The following CDYL variants were observed in gnomAD, a reference collection of about 807,000 sequenced individuals.
CDYL encodes the protein chromodomain Y like, also known as chromodomain Y-like protein.
A neutral mutation model predicts 47.3 loss-of-function variants in CDYL; 8 were observed. That is an observed-to-expected ratio of 0.17 (90% CI 0.10 to 0.31). The LOEUF (loss-of-function observed/expected upper bound fraction) is 0.31, where lower values mean the gene tolerates loss of function less well. Ranked by LOEUF, CDYL falls within the 10% of genes least tolerant of loss-of-function variation. The pLI is 1.00. For missense variants in CDYL, 471 were observed against 701.4 expected (o/e 0.67, Z 3.71); for synonymous variants, 266 against 265.0 (o/e 1.00, Z -0.04).
chr6:4,716,184 C>T (rs1447815107), intron 2 of CDYL, among the ~76,000 whole-genome samples: 11 of 151,104 alleles, frequency 7.3e-5, no homozygotes, highest in African/African-American at 2.4e-4. Context: ...GGAGGCGGAG[C>T]TTGCAGTGAG....
chr6:4,738,900 G>A (rs907644929), intron 3 of CDYL, among the ~76,000 whole-genome samples: 5 of 152,150 alleles, frequency 3.3e-5, no homozygotes, highest in Admixed American at 6.5e-5. Flanking sequence ...AGCGGCTCAC[G>A]CCTGTAATCC....
intron 3 of CDYL, among the ~76,000 whole-genome samples, chr6:4,745,821 T>G (rs1451794615): frequency 1.3e-5 from 2 of 151,994 alleles, no homozygotes; most frequent in Non-Finnish European, 2.9e-5. Flanking sequence ...GGAGGATAAA[T>G]AGAAGCTTGC....
chr6:4,897,829 G>A (rs1334901480), intron 2 of CDYL, among the ~76,000 whole-genome samples: 2 of 148,682 alleles, frequency 1.3e-5, no homozygotes, highest in African/African-American at 2.5e-5. Context: ...AGGCCAAGGC[G>A]GGCGGATCAT....
At chr6:4,908,082 A>T (rs750034051) in intron 2 of CDYL, among the ~76,000 whole-genome samples, 22 of 152,212 alleles carry the variant, frequency 1.4e-4, no homozygotes, top group Non-Finnish European at 2.4e-4. Context: ...TGGACCCCTG[A>T]AATGCCAAAC....
At chr6:4,842,433 T>C (rs554796254) in intron 1 of CDYL, among the ~76,000 whole-genome samples, 114 of 152,006 alleles carry the variant, frequency 7.5e-4, no homozygotes, top group African/African-American at 2.6e-3. Context: ...AATTGTTTTA[T>C]ATGTTTAGGA....
chr6:4,731,911 G>T (rs533182075), intron 2 of CDYL, among the ~76,000 whole-genome samples: 2 of 152,250 alleles, frequency 1.3e-5, no homozygotes, highest in African/African-American at 4.8e-5. Flanking sequence ...GGGGAAGATG[G>T]TAATGTTTTA....
chr6:4,864,071 A>G (rs1481643887), intron 1 of CDYL, among the ~76,000 whole-genome samples: 2 of 152,120 alleles, frequency 1.3e-5, no homozygotes, highest in Middle Eastern at 6.4e-3. Context: ...GACACTGACT[A>G]TGGATTTCCA....
intron 2 of CDYL, among the ~76,000 whole-genome samples, chr6:4,901,747 A>G (rs1757061580): frequency 2.0e-5 from 3 of 152,198 alleles, no homozygotes; most frequent in South Asian, 4.1e-4. Flanking sequence ...TTCTGTGTCA[A>G]GTGAGTGAAA....
intron 3 of CDYL, among the ~76,000 whole-genome samples, chr6:4,744,040 A>C (rs920884671): frequency 6.6e-6 from 1 of 152,118 alleles, no homozygotes; most frequent in Non-Finnish European, 1.5e-5. Flanking sequence ...ATTTTATGAT[A>C]ATGTCGACTA....
intron 3 of CDYL, among the ~76,000 whole-genome samples, chr6:4,769,916 C>T (rs1229879291): frequency 6.6e-6 from 1 of 151,998 alleles, no homozygotes; most frequent in East Asian, 1.9e-4. Context: ...CCTGCCTCAG[C>T]CTCCCAAGTA....
chr6:4,862,584 C>G (rs1428965700), intron 1 of CDYL, among the ~76,000 whole-genome samples: 1 of 152,162 alleles, frequency 6.6e-6, no homozygotes, highest in Non-Finnish European at 1.5e-5. Context: ...AGCTCCCTAC[C>G]TTTGGGGGCT....
chr6:4,857,458 GAAAT>G (rs1761043779), intron 1 of CDYL, among the ~76,000 whole-genome samples: 1 of 152,216 alleles, frequency 6.6e-6, no homozygotes, highest in African/African-American at 2.4e-5. Flanking sequence ...AAATTCTTGA[GAAAT>G]AAGTCTAAGA....
chr6:4,900,353 C>T (rs1386296173), intron 2 of CDYL, among the ~76,000 whole-genome samples: 1 of 152,090 alleles, frequency 6.6e-6, no homozygotes, highest in Admixed American at 6.5e-5. Context: ...ACAAGAAATA[C>T]CCATATAGTA....
chr6:4,708,606 T>C (rs1358020389), intron 1 of CDYL, among the ~76,000 whole-genome samples: 4 of 152,254 alleles, frequency 2.6e-5, no homozygotes, highest in African/African-American at 9.6e-5. Context: ...ATTATTTTGA[T>C]TTTATACTGT....
chr6:4,776,645 C>G lies in CDYL; in HGVS notation c.-139C>G, dbSNP rs1384181763. ...CACTGGCCGCGGAGTGCAAGAGGCT[C>G]GTCCGTGCCCAGCGCCCGGCCGGCC... On this transcript the variant is annotated 5_prime_UTR_variant, in exon 1 of 7. Transcript: ENST00000397588. 1 of 646,848 alleles carries G rather than the reference C, an allele frequency of 1.5e-6. No individual in the cohort carries two copies. Among genetic ancestry groups the G allele is most frequent in the Non-Finnish European group, 2.1e-6 (1 of 467,060 alleles). 40.1% of individuals were successfully genotyped at this position (646,848 alleles called of 1,614,324 possible). A position where few individuals can be genotyped will look rare whatever the true frequency, so the allele number is the denominator to read the frequency against.
chr6:4,730,927 C>T (rs1353027489), intron 2 of CDYL, among the ~76,000 whole-genome samples: 1 of 152,096 alleles, frequency 6.6e-6, no homozygotes, highest in African/African-American at 2.4e-5. Flanking sequence ...TAGCAAATAT[C>T]CTGGAAAAAT....
Position 4,748,682 on chromosome 6 carries a change from A to AC in CDYL, c.186+13838_186+13839insC, listed in dbSNP as rs1248295380. Among the ~76,000 whole-genome samples the AC allele has an allele frequency of 5.7e-3, 382 of 66,594 alleles. 2 individuals carry two copies. Among genetic ancestry groups the AC allele is most frequent in the African/African-American group, 0.015 (356 of 22,976 alleles). 43.7% of individuals were successfully genotyped at this position (66,594 alleles called of 152,430 possible). A position where few individuals can be genotyped will look rare whatever the true frequency, so the allele number is the denominator to read the frequency against. Reference sequence around the variant, plus strand: ...ACACACACACACACACACACACACAAACAAATTTTAGTAAAAAAAAATATA... The same window carrying AC: ...ACACACACACACACACACACACACAACACAAATTTTAGTAAAAAAAAATATA... On this transcript the variant is annotated intron_variant, in intron 3 of 8. Transcript: ENST00000328908.
intron 1 of CDYL, among the ~76,000 whole-genome samples, chr6:4,847,931 A>G (rs1760710578): frequency 6.6e-6 from 1 of 152,140 alleles, no homozygotes; most frequent in African/African-American, 2.4e-5. Context: ...GATTGCCATA[A>G]GGTTGGTTAG....
intron 1 of CDYL, among the ~76,000 whole-genome samples, chr6:4,851,475 G>C (rs1276524337): frequency 6.6e-6 from 1 of 152,104 alleles, no homozygotes; most frequent in African/African-American, 2.4e-5. Flanking sequence ...CTTCATTGTG[G>C]CAGGCGACAT....
Sources: allele counts gnomAD v4.1 joint callset (sites outside exome capture counted in the v4.1 genomes callset), GRCh38; gene constraint gnomAD v4.1.1; transcripts MANE v1.5; gene names NCBI Gene and HGNC (gene_info 2026-07-23, HGNC 2026-07-21).